The following RTN4IP1 variants were observed in gnomAD, a reference collection of about 807,000 sequenced individuals.
The protein encoded by RTN4IP1 is reticulon 4 interacting protein 1.
A neutral mutation model predicts 46.6 loss-of-function variants in RTN4IP1; 32 were observed. The observed-to-expected ratio is 0.69, with a 90% CI of 0.52 to 0.92. RTN4IP1 has a LOEUF of 0.92. Ranked by LOEUF, RTN4IP1 falls within the 40% of genes least tolerant of loss-of-function variation. The pLI is 0.00. For synonymous variants in RTN4IP1, 167 were observed against 161.8 expected (o/e 1.03, Z -0.24); for missense variants, 424 against 485.8 (o/e 0.87, Z 1.20).
Position 106,570,958 on chromosome 6 carries a change from C to T in RTN4IP1, c.*1038G>A, listed in dbSNP as rs1382401370. The T allele has an allele frequency of 6.6e-6, 1 of 152,146 alleles. No homozygotes were observed. Among genetic ancestry groups the T allele is most frequent in the Non-Finnish European group, 1.5e-5 (1 of 68,032 alleles). The allele number at this position is 152,146 out of a possible 1,614,324, so 9.4% of individuals were successfully genotyped here. ...ATGAGTATATTAGGAAGTAAAAACA[C>T]TTACCGTAAATGAATATTCGAAGTG... On this transcript the variant is annotated 3_prime_UTR_variant, in exon 9 of 9. Transcript: ENST00000369063.
At chr6:106,579,906 G>GC (rs1562130991) in intron 8 of RTN4IP1, among the ~76,000 whole-genome samples, 2 of 151,514 alleles carry the variant, frequency 1.3e-5, no homozygotes, top group African/African-American at 2.4e-5. Context: ...GAGCCACCAC[G>GC]CCCAGCTCAG....
intron 7 of RTN4IP1, among the ~76,000 whole-genome samples, chr6:106,584,140 T>C (rs1036166448): frequency 6.6e-6 from 1 of 152,204 alleles, no homozygotes; most frequent in Non-Finnish European, 1.5e-5. Flanking sequence ...GGTCTTGCTA[T>C]GTTGCCCAGG....
intron 4 of RTN4IP1, among the ~76,000 whole-genome samples, chr6:106,612,755 G>A (rs975143935): frequency 3.3e-5 from 5 of 151,690 alleles, no homozygotes; most frequent in Non-Finnish European, 7.4e-5. Flanking sequence ...TACCTGCTCT[G>A]CCCTGACTCC....
intron 4 of RTN4IP1, among the ~76,000 whole-genome samples, chr6:106,607,422 C>T (rs978601208): frequency 5.3e-5 from 8 of 151,898 alleles, no homozygotes; most frequent in African/African-American, 1.2e-4. Context: ...AATGAAACAA[C>T]CAATGAAGAG....
chr6:106,591,700 TCAGA>T (rs1265248967), intron 6 of RTN4IP1, among the ~76,000 whole-genome samples: 2 of 152,106 alleles, frequency 1.3e-5, no homozygotes, highest in Non-Finnish European at 2.9e-5. Context: ...AGCCTGGCAT[TCAGA>T]CACACTGGGA....
rs1582857704 is a variant in RTN4IP1, at chr6:106,579,415, C to T, written c.1083+3913G>A. 2.6e-5 allele frequency among the ~76,000 whole-genome samples: 4 copies of T among 152,184 alleles called. No homozygotes were observed. In the South Asian group the frequency reaches 8.3e-4, roughly 32 times the overall value. ...CAGATAGGATGAATATGGAGTCCTA[C>T]GACTTGCAATAAGGCTTCGTGATGA... On this transcript the variant is annotated intron_variant, in intron 8 of 8. Transcript: ENST00000369063.
chr6:106,608,830 C>T (rs1776151341), intron 4 of RTN4IP1, among the ~76,000 whole-genome samples: 2 of 152,090 alleles, frequency 1.3e-5, no homozygotes, highest in Admixed American at 1.3e-4. Context: ...AAATTAATTC[C>T]CCCATGAAAT....
intron 4 of RTN4IP1, among the ~76,000 whole-genome samples, chr6:106,612,122 C>T (rs1453641874): frequency 6.6e-6 from 1 of 151,984 alleles, no homozygotes; most frequent in African/African-American, 2.4e-5. Flanking sequence ...CATGGTGGCT[C>T]ACGCCTGTAA....
intron 6 of RTN4IP1, among the ~76,000 whole-genome samples, chr6:106,589,168 C>T (rs1250273168): frequency 1.7e-4 from 3 of 17,842 alleles, no homozygotes; most frequent in East Asian, 3.5e-3. Flanking sequence ...GAGGAGGAGG[C>T]GGTGGAGGAG....
intron 4 of RTN4IP1, among the ~76,000 whole-genome samples, chr6:106,610,405 C>G (rs1776196561): frequency 6.6e-6 from 1 of 152,194 alleles, no homozygotes; most frequent in African/African-American, 2.4e-5. Flanking sequence ...GGTCGGTCTT[C>G]TAAAGTCTGA....
chr6:106,609,714 T>G (rs1395155175), intron 4 of RTN4IP1, among the ~76,000 whole-genome samples: 2 of 152,246 alleles, frequency 1.3e-5, no homozygotes, highest in Non-Finnish European at 2.9e-5. Flanking sequence ...TAATGGCTAC[T>G]TCAGGATCCA....
intron 8 of RTN4IP1, among the ~76,000 whole-genome samples, chr6:106,578,004 T>A (rs935504111): frequency 2.6e-5 from 4 of 152,194 alleles, no homozygotes. Context: ...GTTACTGCAA[T>A]AGGAAACTAA....
intron 4 of RTN4IP1, among the ~76,000 whole-genome samples, chr6:106,610,441 T>G (rs374441559): frequency 2.6e-5 from 4 of 152,164 alleles, no homozygotes; most frequent in East Asian, 3.9e-4. Flanking sequence ...CTAATTATTC[T>G]TGTTGTATTC....
intron 5 of RTN4IP1, among the ~76,000 whole-genome samples, chr6:106,598,823 GT>G (rs1318640060): frequency 2.6e-5 from 4 of 151,456 alleles, no homozygotes; most frequent in Non-Finnish European, 5.9e-5. Context: ...GGTTTTTATG[GT>G]TTTAGGTCTA....
At chr6:106,575,055 GAC>G (rs573514498) in intron 8 of RTN4IP1, among the ~76,000 whole-genome samples, 300 of 152,362 alleles carry the variant, frequency 2.0e-3, no homozygotes, top group Non-Finnish European at 3.5e-3. Flanking sequence ...TGGATAATGA[GAC>G]AGTGTCTATG....
intron 8 of RTN4IP1, among the ~76,000 whole-genome samples, chr6:106,575,335 G>A (rs1342680415): frequency 2.0e-5 from 3 of 152,180 alleles, no homozygotes; most frequent in African/African-American, 4.8e-5. Context: ...CATGTGTGGG[G>A]TGCTGATTGT....
intron 1 of RTN4IP1, among the ~76,000 whole-genome samples, chr6:106,623,632 T>C (rs892079582): frequency 2.6e-5 from 4 of 152,258 alleles, no homozygotes; most frequent in African/African-American, 9.6e-5. Flanking sequence ...TGGAAAGTGA[T>C]AATCACTTAT....
At chr6:106,596,912 T>C (rs1042050164) in intron 5 of RTN4IP1, among the ~76,000 whole-genome samples, 3 of 152,212 alleles carry the variant, frequency 2.0e-5, no homozygotes, top group African/African-American at 4.8e-5. Flanking sequence ...GTTACTCCAT[T>C]TTTTTCTGCC....
At chr6:106,583,607 A>G (rs1775419400) in intron 7 of RTN4IP1, 187 bp from the exon 8 acceptor site, 1 of 526,490 alleles carries the variant, frequency 1.9e-6, no homozygotes, top group Non-Finnish European at 3.5e-6. Flanking sequence ...AATGTTTAAT[A>G]AATAAATAAC....
Sources: allele counts gnomAD v4.1 joint callset (sites outside exome capture counted in the v4.1 genomes callset), GRCh38; gene constraint gnomAD v4.1.1; transcripts MANE v1.5; gene names NCBI Gene and HGNC (gene_info 2026-07-23, HGNC 2026-07-21).